The following ARHGAP32 variants were observed in gnomAD, a reference collection of about 807,000 sequenced individuals.
ARHGAP32 encodes rho GTPase-activating protein 32.
ARHGAP32 carries 51 observed loss-of-function variants against 186.5 expected under a neutral mutation model. The observed-to-expected ratio is 0.27, with a 90% confidence interval of 0.22 to 0.35. ARHGAP32 has a LOEUF of 0.35. ARHGAP32 is among the 10% of genes least tolerant of loss of function. The pLI is 1.00. For missense variants in ARHGAP32, 2,186 were observed against 2,623.5 expected (o/e 0.83, Z 3.64); for synonymous variants, 950 against 964.3 (o/e 0.99, Z 0.27).
chr11:129,057,776 C>A (rs79061373), intron 10 of ARHGAP32, among the ~76,000 whole-genome samples: 1 of 150,806 alleles, frequency 6.6e-6, no homozygotes, highest in Non-Finnish European at 1.5e-5. Context: ...GGATTAACTG[C>A]GTATTTAGAG....
rs148027870 is a variant in ARHGAP32, at chr11:129,085,749, A to T, written c.531+7872T>A. 3.2e-4 allele frequency among the ~76,000 whole-genome samples: 49 copies of T among 152,240 alleles called. 1 individual carries two copies. In the East Asian group the frequency reaches 8.7e-3, roughly 27 times the overall value. ...CTGGGTGCGGTGGCTCATACCTGTAATCCCAGCACTTTGGGAGGCTGAGAC... is the reference window on the plus strand; with the variant it reads ...CTGGGTGCGGTGGCTCATACCTGTATTCCCAGCACTTTGGGAGGCTGAGAC... On this transcript the variant is annotated intron_variant, in intron 6 of 22. Transcript: ENST00000682385.
chr11:129,081,306 CA>C (rs370885379), intron 6 of ARHGAP32, among the ~76,000 whole-genome samples: 2 of 151,212 alleles, frequency 1.3e-5, no homozygotes, highest in Admixed American at 6.6e-5. Flanking sequence ...AAAGATATAA[CA>C]AAAAAAAGAA....
At chr11:129,109,558 C>A (rs1006620929) in intron 5 of ARHGAP32, among the ~76,000 whole-genome samples, 5 of 151,918 alleles carry the variant, frequency 3.3e-5, no homozygotes, top group African/African-American at 1.2e-4. Flanking sequence ...TTAAGAGGTC[C>A]CTTTTCTCTG....
intron 1 of ARHGAP32, among the ~76,000 whole-genome samples, chr11:129,259,830 C>A (rs1252753789): frequency 6.6e-6 from 1 of 152,158 alleles, no homozygotes; most frequent in African/African-American, 2.4e-5. Flanking sequence ...ACATGAGATT[C>A]TTCTGAGACC....
chr11:129,076,401 C>A (rs1941045093), intron 6 of ARHGAP32, among the ~76,000 whole-genome samples: 1 of 152,134 alleles, frequency 6.6e-6, no homozygotes, highest in African/African-American at 2.4e-5. Flanking sequence ...TATCCAAGAA[C>A]CCTCTCTTGG....
intron 1 of ARHGAP32, among the ~76,000 whole-genome samples, chr11:129,186,198 C>A (rs1944157177): frequency 6.6e-6 from 1 of 152,102 alleles, no homozygotes; most frequent in African/African-American, 2.4e-5. Flanking sequence ...AATTAAACAA[C>A]CTAATAACCA....
chr11:129,098,238 A>G (rs1941789138), intron 5 of ARHGAP32, among the ~76,000 whole-genome samples: 2 of 152,156 alleles, frequency 1.3e-5, no homozygotes, highest in Admixed American at 6.5e-5. Context: ...AAACACTACT[A>G]ACTCAAACCC....
intron 1 of ARHGAP32, among the ~76,000 whole-genome samples, chr11:129,172,591 A>C (rs1219720547): frequency 6.6e-6 from 1 of 152,220 alleles, no homozygotes; most frequent in Non-Finnish European, 1.5e-5. Flanking sequence ...CACAACAAAC[A>C]ATCTCTCAGA....
intron 15 of ARHGAP32, 170 bp downstream of exon 15, chr11:128,985,831 CGT>C (rs369790310): frequency 0.2 from 22,694 of 114,450 alleles, 2,399 homozygotes; most frequent in Non-Finnish European, 0.24. Context: ...TGTGTGTGTG[CGT>C]GTGTGTGTGT....
chr11:129,074,870 CA>C (rs1163099697), intron 6 of ARHGAP32, among the ~76,000 whole-genome samples: 1 of 151,518 alleles, frequency 6.6e-6, no homozygotes, highest in Non-Finnish European at 1.5e-5. Context: ...CAATTAAAAA[CA>C]AAAAAAGAGA....
At chr11:129,218,243 C>G in intron 1 of ARHGAP32, among the ~76,000 whole-genome samples, 1 of 152,156 alleles carries the variant, frequency 6.6e-6, no homozygotes, top group East Asian at 1.9e-4. Flanking sequence ...GAACATAAGA[C>G]AAACTTATCG....
intron 2 of ARHGAP32, among the ~76,000 whole-genome samples, chr11:129,134,296 T>C (rs2135411456): frequency 6.6e-6 from 1 of 152,198 alleles, no homozygotes; most frequent in South Asian, 2.1e-4. Flanking sequence ...TACTTAATGA[T>C]GAAATATTTA....
chr11:128,968,688 G>T lies in ARHGAP32; in HGVS notation c.*219C>A. On this transcript the variant is annotated 3_prime_UTR_variant, in exon 23 of 23. Transcript: ENST00000682385. ...CAGCACGGGGCTTTACCATCCTTCA[G>T]ATCTTTTCTAAAGACAAAAATGACA... The T allele has an allele frequency of 5.1e-6, 2 of 393,790 alleles. No individual in the cohort carries two copies. The highest frequency in any genetic ancestry group is 8.7e-6 in the Non-Finnish European group (2 of 230,142). The allele number at this position is 393,790 out of a possible 1,614,324, so 24.4% of individuals were successfully genotyped here.
chr11:128,995,930 AAC>A (rs1946188405), intron 12 of ARHGAP32, among the ~76,000 whole-genome samples: 1 of 152,230 alleles, frequency 6.6e-6, no homozygotes, highest in East Asian at 1.9e-4. Flanking sequence ...ATTTAATTAT[AAC>A]ATTAAGATAA....
At chr11:128,997,192 T>C (rs1490366536) in intron 12 of ARHGAP32, among the ~76,000 whole-genome samples, 1 of 152,212 alleles carries the variant, frequency 6.6e-6, no homozygotes, top group Non-Finnish European at 1.5e-5. Context: ...GTTTTCCATG[T>C]GCATTTAGTT....
rs369050135 is a variant in ARHGAP32 at position 128,972,563 on chromosome 11, T to C, written c.3943A>G (p.Arg1315Gly). Residue 1315 changes from arginine to glycine, a missense_variant, in exon 22 of 23, where the codon AGA (arginine) becomes GGA (glycine). By Grantham distance (125) the Arg-to-Gly change is moderately radical. Transcript: ENST00000682385. ...GGAGGGGGAAGGGGACGATTAGTTC[T>C]GTGCGTGCGCTGAAGTGTGGCAGCA... Reference protein sequence around the residue: ...FAAATLQRTHRTNRPLPPPPS... With the variant: ...FAAATLQRTHGTNRPLPPPPS... 24 of 1,591,730 alleles carry C rather than the reference T, an allele frequency of 1.5e-5. No homozygotes were observed. The highest frequency in any genetic ancestry group is 9.0e-5 in the East Asian group (4 of 44,688).
intron 5 of ARHGAP32, among the ~76,000 whole-genome samples, chr11:129,121,983 T>G (rs1942543267): frequency 6.6e-6 from 1 of 152,060 alleles, no homozygotes; most frequent in Non-Finnish European, 1.5e-5. Context: ...TTTAGAACTA[T>G]GATACTATTT....
At chr11:129,255,711 A>T (rs1450493725) in intron 1 of ARHGAP32, among the ~76,000 whole-genome samples, 1 of 152,062 alleles carries the variant, frequency 6.6e-6, no homozygotes, top group African/African-American at 2.4e-5. Flanking sequence ...CAAAAGGCAT[A>T]AACAGGCACT....
At chr11:129,103,668 T>G (rs1941968913) in intron 5 of ARHGAP32, among the ~76,000 whole-genome samples, 1 of 151,950 alleles carries the variant, frequency 6.6e-6, no homozygotes. Flanking sequence ...ACATGACTCA[T>G]GGTGGAAAAG....
Sources: allele counts gnomAD v4.1 joint callset (sites outside exome capture counted in the v4.1 genomes callset), GRCh38; gene constraint gnomAD v4.1.1; transcripts MANE v1.5; gene names NCBI Gene and HGNC (gene_info 2026-07-23, HGNC 2026-07-21).